VTI1A: variants seen among roughly 807,000 people sequenced by gnomAD.
VTI1A encodes vesicle transport through interaction with t-SNAREs 1A, also known as vesicle transport through interaction with t-SNAREs homolog 1A.
VTI1A carries 22 observed loss-of-function variants against 34.9 expected under a neutral mutation model. The observed-to-expected ratio is 0.63, with a 90% CI of 0.45 to 0.90. The LOEUF is 0.90. Among genes scored for constraint, VTI1A ranks in the 40% least tolerant of loss-of-function variants. The probability of loss-of-function intolerance (pLI) is 0.00; values close to 1 mark genes in which losing one functional copy is unlikely to be tolerated. For synonymous variants in VTI1A, 87 were observed against 97.3 expected, an observed-to-expected ratio of 0.89 and a Z score of 0.62; for missense variants, 268 against 275.6, an observed-to-expected ratio of 0.97 and a Z score of 0.20.
chr10:112,809,745 A>G (rs1204999361), intron 7 of VTI1A, among the ~76,000 whole-genome samples: 1 of 152,226 alleles, frequency 6.6e-6, no homozygotes, highest in Non-Finnish European at 1.5e-5. Context: ...ATGTTTTGAG[A>G]ACATTTATGC....
chr10:112,479,267 C>T (rs941665312), intron 3 of VTI1A, among the ~76,000 whole-genome samples: 1 of 151,682 alleles, frequency 6.6e-6, no homozygotes, highest in East Asian at 1.9e-4. Flanking sequence ...CTCTGTAGTA[C>T]GGGGCTTTAG....
At chr10:112,669,883 A>G (rs1169146400) in intron 7 of VTI1A, among the ~76,000 whole-genome samples, 2 of 152,198 alleles carry the variant, frequency 1.3e-5, no homozygotes, top group Non-Finnish European at 2.9e-5. Flanking sequence ...GACTTATTGC[A>G]TAAGAACCAA....
Position 112,668,268 on chromosome 10 carries a change from A to G in VTI1A, c.478A>G (p.Ile160Val). Residue 160 changes from isoleucine to valine, a missense_variant, in exon 6 of 8, where the codon ATA becomes GTA. Coordinates refer to ENST00000393077, the MANE Select transcript of VTI1A (RefSeq NM_145206.4). ...LENLSHDREK[I>V]QRARERLRET... ...AAACCTTAGTCATGACAGAGAAAAG[A>G]TACAGCGAGCACGTGAAAGAGTAAG... 1 of 1,612,698 alleles carries G rather than the reference A, an allele frequency of 6.2e-7. No homozygotes were observed. Among genetic ancestry groups the G allele is most frequent in the Non-Finnish European group, 8.5e-7 (1 of 1,179,048 alleles).
At chr10:112,461,758 C>T (rs1339513801) in intron 2 of VTI1A, among the ~76,000 whole-genome samples, 2 of 152,182 alleles carry the variant, frequency 1.3e-5, no homozygotes, top group Non-Finnish European at 2.9e-5. Context: ...CACTCTGTCA[C>T]CCAGACTGGA....
rs557133010 is a variant in VTI1A, at chr10:112,581,069, A to G, written c.427+42739A>G. Among the ~76,000 whole-genome samples, 11 of 152,274 alleles carry G rather than the reference A, an allele frequency of 7.2e-5. 1 individual carries two copies. Among genetic ancestry groups the G allele is most frequent in the Admixed American group, 3.9e-4 (6 of 15,300 alleles). On this transcript the variant is annotated intron_variant, in intron 5 of 7. Transcript: ENST00000393077. The stretch of plus-strand genomic sequence containing the variant: ...CATAGTTCCTAGGAAGATCAACTCT[A>G]TGGATCACACCAGTGGGCTCCGCAT...
At chr10:112,599,304 G>T (rs1844794469) in intron 5 of VTI1A, among the ~76,000 whole-genome samples, 1 of 152,212 alleles carries the variant, frequency 6.6e-6, no homozygotes, top group Admixed American at 6.5e-5. Context: ...AGAAAACACA[G>T]GCAGCCAGGA....
At chr10:112,631,679 C>T (rs1003420094) in intron 5 of VTI1A, among the ~76,000 whole-genome samples, 12 of 152,190 alleles carry the variant, frequency 7.9e-5, no homozygotes, top group African/African-American at 7.2e-5. Context: ...TGACGCAAAC[C>T]TCTGAGCCTT....
intron 7 of VTI1A, among the ~76,000 whole-genome samples, chr10:112,731,721 C>T (rs1191073426): frequency 6.6e-6 from 1 of 151,980 alleles, no homozygotes; most frequent in African/African-American, 2.4e-5. Context: ...TAATTAATGA[C>T]TTCTATTTGC....
At chr10:112,504,501 C>CT (rs79889646) in intron 3 of VTI1A, among the ~76,000 whole-genome samples, 48 of 150,092 alleles carry the variant, frequency 3.2e-4, no homozygotes, top group Middle Eastern at 3.4e-3. Flanking sequence ...CTTTTTTATT[C>CT]TTTTTTTTTT....
intron 5 of VTI1A, among the ~76,000 whole-genome samples, chr10:112,595,008 A>G (rs1391660931): frequency 6.9e-6 from 1 of 145,758 alleles, no homozygotes; most frequent in Non-Finnish European, 1.5e-5. Context: ...ATAACGCCAC[A>G]TATCTACAAC....
chr10:112,622,227 C>T (rs964780548), intron 5 of VTI1A, among the ~76,000 whole-genome samples: 15 of 152,084 alleles, frequency 9.9e-5, no homozygotes, highest in African/African-American at 2.7e-4. Flanking sequence ...AACTGCAAAC[C>T]GGTCCCTGTG....
the VTI1A span, among the ~76,000 whole-genome samples, chr10:112,832,774 C>A: frequency 5.0e-4 from 76 of 152,284 alleles, 1 homozygote; most frequent in East Asian, 0.014. Flanking sequence ...GCAGTGGCCA[C>A]GGGAGCCCAT....
chr10:112,677,180 G>A (rs1014008182), intron 7 of VTI1A, among the ~76,000 whole-genome samples: 11 of 152,156 alleles, frequency 7.2e-5, no homozygotes, highest in Admixed American at 3.3e-4. Context: ...AGAAGAATCC[G>A]AGAGCTTTTT....
At chr10:112,676,903 A>G (rs1257122597) in intron 7 of VTI1A, among the ~76,000 whole-genome samples, 1 of 152,194 alleles carries the variant, frequency 6.6e-6, no homozygotes, top group Non-Finnish European at 1.5e-5. Flanking sequence ...TCCGTCTCGC[A>G]TCTCAGATCA....
At chr10:112,559,669 T>C (rs529379583) in intron 5 of VTI1A, among the ~76,000 whole-genome samples, 1 of 152,236 alleles carries the variant, frequency 6.6e-6, no homozygotes, top group Admixed American at 6.5e-5. Flanking sequence ...TTCCCTTCAC[T>C]CCATCCATTT....
chr10:112,851,660 A>G, the VTI1A span, among the ~76,000 whole-genome samples: 17 of 152,198 alleles, frequency 1.1e-4, no homozygotes, highest in African/African-American at 4.1e-4. Flanking sequence ...GAGGGATGTG[A>G]GCGCAGGAAT....
chr10:112,486,943 A>T (rs1247925622), intron 3 of VTI1A, among the ~76,000 whole-genome samples: 9 of 151,856 alleles, frequency 5.9e-5, no homozygotes, highest in African/African-American at 1.9e-4. Context: ...ACCGCAGTGC[A>T]TTGTGTATGG....
chr10:112,494,909 A>G (rs1276071574), intron 3 of VTI1A, among the ~76,000 whole-genome samples: 1 of 152,196 alleles, frequency 6.6e-6, no homozygotes, highest in African/African-American at 2.4e-5. Context: ...GACATTTTCT[A>G]TATTATTACC....
chr10:112,631,673 G>A (rs562363304), intron 5 of VTI1A, among the ~76,000 whole-genome samples: 2 of 152,286 alleles, frequency 1.3e-5, no homozygotes, highest in African/African-American at 2.4e-5. Context: ...AAAGCCTGAC[G>A]CAAACCTCTG....
Sources: gnomAD v4.1 joint callset for allele counts (sites outside exome capture counted in the v4.1 genomes callset) on GRCh38, gnomAD v4.1.1 for gene constraint, MANE v1.5 for transcripts, NCBI Gene and HGNC (gene_info 2026-07-23, HGNC 2026-07-21) for gene names.